The following UPP2 variants were observed in gnomAD, a reference collection of about 807,000 sequenced individuals.
The protein encoded by UPP2 is UPase 2.
In UPP2, 23 loss-of-function variants were observed where a neutral mutation model predicts 26.7. The ratio of observed to expected loss-of-function variants is 0.86; its 90% CI spans 0.62 to 1.22. The LOEUF (loss-of-function observed/expected upper bound fraction) is 1.22, where lower values mean the gene tolerates loss of function less well. Among genes scored for constraint, UPP2 ranks in the 50% most tolerant of loss-of-function variants. UPP2 has a pLI of 0.00. For missense variants in UPP2, 387 were observed against 396.7 expected, an observed-to-expected ratio of 0.98 and a Z score of 0.21; for synonymous variants, 127 against 141.3, an observed-to-expected ratio of 0.90 and a Z score of 0.72.
chr2:158,023,734 G>A (rs985955506), intron 3 of UPP2, among the ~76,000 whole-genome samples: 2 of 124,468 alleles, frequency 1.6e-5, no homozygotes, highest in Non-Finnish European at 3.3e-5. Flanking sequence ...TCCTATGCAG[G>A]CCAGAGGGAG....
At chr2:158,110,564 G>A (rs1342831096) in intron 2 of UPP2, among the ~76,000 whole-genome samples, 1 of 152,152 alleles carries the variant, frequency 6.6e-6, no homozygotes, top group Non-Finnish European at 1.5e-5. Context: ...TTGAGGACTA[G>A]TTCTAGATCC....
At chr2:158,100,852 C>T (rs1320779069), upstream of UPP2, among the ~76,000 whole-genome samples, 2 of 152,098 alleles carry the variant, frequency 1.3e-5, no homozygotes, top group Admixed American at 6.5e-5. Flanking sequence ...ATTCTTTTTC[C>T]TTCCTATTCT....
At chr2:157,995,194 C>T in exon 2 of UPP2, 1 of 1,613,688 alleles carries the variant, frequency 6.2e-7, no homozygotes, top group Non-Finnish European at 8.5e-7. Context: ...TTCACCAGTG[C>T]TGCCATGCTG....
At chr2:158,097,394 T>G (rs34442284), upstream of UPP2, among the ~76,000 whole-genome samples, 29,263 of 151,786 alleles carry the variant, frequency 0.19, 4,000 homozygotes, top group African/African-American at 0.39. Flanking sequence ...TATATATATA[T>G]AGAGAGAGTG....
chr2:158,108,897 T>TGTGTGA (rs1208422255), intron 2 of UPP2, among the ~76,000 whole-genome samples: 1 of 147,994 alleles, frequency 6.8e-6, no homozygotes, highest in African/African-American at 2.5e-5. Flanking sequence ...CGTGTGTGTG[T>TGTGTGA]GTGTGTGTGT....
At chr2:158,020,547 C>T (rs941183232) in intron 3 of UPP2, among the ~76,000 whole-genome samples, 2 of 152,202 alleles carry the variant, frequency 1.3e-5, no homozygotes, top group Non-Finnish European at 2.9e-5. Flanking sequence ...TCCAAATAGC[C>T]CACTGCTCAC....
At chr2:158,116,033 C>T (rs1683424246) in intron 3 of UPP2, among the ~76,000 whole-genome samples, 1 of 152,186 alleles carries the variant, frequency 6.6e-6, no homozygotes, top group South Asian at 2.1e-4. Context: ...AGGAACTAAG[C>T]TGTAAGTGGC....
chr2:158,001,957 C>CAAAAAAAAAAAAA (rs200818827), intron 2 of UPP2, among the ~76,000 whole-genome samples: 2 of 65,494 alleles, frequency 3.1e-5, no homozygotes, highest in Non-Finnish European at 6.2e-5. Flanking sequence ...GAATGAGCAC[C>CAAAAAAAAAAAAA]AAAAAAAAAA....
chr2:158,036,981 A>G (rs1313097501), intron 3 of UPP2, among the ~76,000 whole-genome samples: 3 of 152,158 alleles, frequency 2.0e-5, no homozygotes, highest in Non-Finnish European at 2.9e-5. Context: ...TGGGGCTGGG[A>G]AAGTTTCCTA....
intron 2 of UPP2, among the ~76,000 whole-genome samples, chr2:157,996,996 C>G (rs1683333133): frequency 1.3e-5 from 2 of 152,170 alleles, no homozygotes. Context: ...AGAATAACAC[C>G]AACTTGACCT....
intron 2 of UPP2, among the ~76,000 whole-genome samples, chr2:158,112,025 T>C (rs967320008): frequency 4.6e-5 from 7 of 152,170 alleles, no homozygotes; most frequent in Admixed American, 1.3e-4. Context: ...AAGATAACTA[T>C]ACTACCAAAA....
At chr2:158,045,888 G>C (rs1684146509) in intron 3 of UPP2, among the ~76,000 whole-genome samples, 1 of 152,140 alleles carries the variant, frequency 6.6e-6, no homozygotes, top group Non-Finnish European at 1.5e-5. Context: ...GCAAGTACCA[G>C]TGGGGCCAGC....
chr2:158,046,350 G>C (rs2105167697), intron 3 of UPP2, among the ~76,000 whole-genome samples: 1 of 152,286 alleles, frequency 6.6e-6, no homozygotes, highest in African/African-American at 2.4e-5. Flanking sequence ...CTTCTCAATT[G>C]CTCTTTAAAT....
chr2:158,036,015 G>A (rs1269361112), intron 3 of UPP2, among the ~76,000 whole-genome samples: 1 of 152,166 alleles, frequency 6.6e-6, no homozygotes, highest in Non-Finnish European at 1.5e-5. Flanking sequence ...TCACTCCTCT[G>A]ACATGTAAGT....
chr2:158,023,265 C>T (rs1014398893), intron 3 of UPP2, among the ~76,000 whole-genome samples: 4 of 149,198 alleles, frequency 2.7e-5, no homozygotes, highest in African/African-American at 9.8e-5. Context: ...CAGTCCAGTG[C>T]TGCTTTACCC....
intron 3 of UPP2, among the ~76,000 whole-genome samples, chr2:158,048,985 A>G (rs962131494): frequency 2.0e-5 from 3 of 152,168 alleles, no homozygotes; most frequent in African/African-American, 4.8e-5. Flanking sequence ...CCACTATGGC[A>G]TCTCCCTTGC....
chr2:158,000,075 T>TG (rs1054173507), intron 2 of UPP2, among the ~76,000 whole-genome samples: 1 of 152,076 alleles, frequency 6.6e-6, no homozygotes, highest in African/African-American at 2.4e-5. Flanking sequence ...AAATTTTTTT[T>TG]TTTTTGAGAC....
chr2:158,046,222 G>T (rs576131038), intron 3 of UPP2, among the ~76,000 whole-genome samples: 2 of 152,280 alleles, frequency 1.3e-5, no homozygotes, highest in East Asian at 3.9e-4. Context: ...GCTATATTTT[G>T]TCTGCATAGT....
chr2:158,108,334 T>C (rs1683237476), intron 2 of UPP2, among the ~76,000 whole-genome samples: 1 of 152,160 alleles, frequency 6.6e-6, no homozygotes, highest in Non-Finnish European at 1.5e-5. Context: ...CACATATATG[T>C]TTGTCTGTAA....
Sources: allele counts gnomAD v4.1 joint callset (sites outside exome capture counted in the v4.1 genomes callset), GRCh38; gene constraint gnomAD v4.1.1; transcripts MANE v1.5; gene names NCBI Gene and HGNC (gene_info 2026-07-23, HGNC 2026-07-21).